Variants in COL24A1 observed in about 807,000 individuals in gnomAD.
COL24A1 encodes collagen alpha-1(XXIV) chain.
A neutral mutation model predicts 253.9 loss-of-function variants in COL24A1; 224 were observed. The observed-to-expected ratio is 0.88, with a 90% CI of 0.79 to 0.99. The LOEUF is 0.99. COL24A1 is among the 50% of genes least tolerant of loss of function. The pLI is 0.00. For synonymous variants in COL24A1, 685 were observed against 673.7 expected, an observed-to-expected ratio of 1.02 and a Z score of -0.26; for missense variants, 2,131 against 2,068.5, an observed-to-expected ratio of 1.03 and a Z score of -0.59.
rs1342623770 is a variant in COL24A1 at position 85,901,635 on chromosome 1, A to G, written c.2779-5226T>C. Among the ~76,000 whole-genome samples the G allele has an allele frequency of 2.0e-5, 3 of 151,946 alleles. No individual in the cohort carries two copies. The East Asian group carries it at 5.8e-4, about 29-fold the overall frequency. ...AGACCAGCCTGGCCAACATGGTGAA[A>G]CCCCATCTCTACTAAAAATATAAAA... On this transcript the variant is annotated intron_variant, in intron 28 of 59. Coordinates refer to ENST00000370571, the MANE Select transcript of COL24A1 (RefSeq NM_152890.7).
intron 28 of COL24A1, among the ~76,000 whole-genome samples, chr1:85,906,513 G>A (rs997770418): frequency 2.0e-5 from 3 of 151,536 alleles, no homozygotes; most frequent in East Asian, 3.9e-4. Flanking sequence ...TATAGAGGCC[G>A]TATACTTAAA....
rs769700609 is a variant in COL24A1 at position 85,744,668 on chromosome 1, T to A, written c.4670A>T (p.Asp1557Val). Reference sequence around the variant, plus strand: ...GTTTGAGGTAACCAAGAACTTACCATCTGATACTTTTTGTTCACAGTTAAG... The same window carrying A: ...GTTTGAGGTAACCAAGAACTTACCAACTGATACTTTTTGTTCACAGTTAAG... ...DLLNCEQKVS[D>V]GKYWIDPNLG... is the part of the protein sequence containing the mutation. Residue 1557 changes from aspartate (D) to valine (V), a missense_variant and splice_region_variant, in exon 57 of 60, where the codon GAT (aspartate) becomes GTT (valine). By Grantham distance (152) the Asp-to-Val change is radical. Coordinates refer to ENST00000370571, the MANE Select transcript of COL24A1 (RefSeq NM_152890.7). 11 of 1,604,014 alleles carry A rather than the reference T, an allele frequency of 6.9e-6. No individual in the cohort carries two copies. In the South Asian group the frequency reaches 1.1e-4, roughly 16 times the overall value.
At chr1:86,131,228 T>C (rs1158170716) in intron 2 of COL24A1, among the ~76,000 whole-genome samples, 58 of 152,038 alleles carry the variant, frequency 3.8e-4, no homozygotes, top group Non-Finnish European at 1.0e-4. Context: ...TGGCACCATA[T>C]TGACCATTCT....
At chr1:86,136,145 A>T (rs1650217366) in intron 2 of COL24A1, among the ~76,000 whole-genome samples, 4 of 152,188 alleles carry the variant, frequency 2.6e-5, no homozygotes, top group South Asian at 4.1e-4. Context: ...TTCAGAATGA[A>T]TCCTTCATCT....
At chr1:85,825,193 G>A (rs955386906) in intron 43 of COL24A1, among the ~76,000 whole-genome samples, 24 of 151,032 alleles carry the variant, frequency 1.6e-4, no homozygotes, top group African/African-American at 5.1e-4. Flanking sequence ...TTGTTCTTGC[G>A]ATAGCTGACT....
intron 42 of COL24A1, 68 bp from the exon 43 acceptor site, chr1:85,838,706 A>G (rs1676284307): frequency 7.1e-7 from 1 of 1,401,072 alleles, no homozygotes. Flanking sequence ...TGCAGGTGAT[A>G]AGATTAGTGT....
At chr1:85,953,957 T>C (rs1279724461) in intron 24 of COL24A1, among the ~76,000 whole-genome samples, 2 of 152,206 alleles carry the variant, frequency 1.3e-5, no homozygotes, top group Non-Finnish European at 2.9e-5. Context: ...TAATTGCCTC[T>C]GGGCAGTAAG....
intron 28 of COL24A1, among the ~76,000 whole-genome samples, chr1:85,905,860 A>G (rs1299337173): frequency 6.6e-6 from 1 of 152,096 alleles, no homozygotes; most frequent in Admixed American, 6.6e-5. Context: ...AATTAACAAA[A>G]GGAACAAGTA....
chr1:86,019,408 T>A (rs28394459), intron 18 of COL24A1, among the ~76,000 whole-genome samples: 46,792 of 145,208 alleles, frequency 0.32, 7,758 homozygotes, highest in Middle Eastern at 0.53. Context: ...TTTTTTTTTT[T>A]AATTAGCTGG....
chr1:85,851,001 G>A (rs200142420), intron 37 of COL24A1, among the ~76,000 whole-genome samples: 13 of 139,182 alleles, frequency 9.3e-5, no homozygotes, highest in African/African-American at 2.3e-4. Context: ...GTGTGTGTGT[G>A]TATATATATA....
chr1:85,886,220 T>C (rs1407272980), intron 32 of COL24A1, among the ~76,000 whole-genome samples: 1 of 152,014 alleles, frequency 6.6e-6, no homozygotes, highest in Non-Finnish European at 1.5e-5. Context: ...GCTAATCTTT[T>C]GTATTTTTAG....
At chr1:85,837,407 C>G (rs1351909270) in intron 43 of COL24A1, among the ~76,000 whole-genome samples, 1 of 152,172 alleles carries the variant, frequency 6.6e-6, no homozygotes, top group Non-Finnish European at 1.5e-5. Context: ...AGTTATCTAT[C>G]TATCATCTTG....
chr1:86,017,883 TA>T (rs1697145878), intron 18 of COL24A1, among the ~76,000 whole-genome samples: 1 of 152,178 alleles, frequency 6.6e-6, no homozygotes, highest in Non-Finnish European at 1.5e-5. Context: ...ATAGAATTCC[TA>T]GACTGTTTTC....
chr1:85,910,030 T>C (rs1267247627), intron 25 of COL24A1, 27 bp from the exon 26 acceptor site: 8 of 1,586,812 alleles, frequency 5.0e-6, no homozygotes, highest in Admixed American at 1.7e-5. Context: ...GAAAAAAGAG[T>C]AACATAGAGG....
intron 7 of COL24A1, among the ~76,000 whole-genome samples, chr1:86,088,971 A>T: frequency 6.6e-6 from 1 of 152,144 alleles, no homozygotes; most frequent in East Asian, 1.9e-4. Context: ...CGGGATGATG[A>T]TGGCATCCTA....
intron 53 of COL24A1, among the ~76,000 whole-genome samples, chr1:85,765,544 A>G (rs1319325281): frequency 2.5e-4 from 1 of 3,972 alleles, no homozygotes; most frequent in African/African-American, 3.9e-4. Flanking sequence ...GTCTCTACCG[A>G]AAAAAAAAAA....
rs117193568 is a variant in COL24A1, at chr1:86,004,567, A to C, written c.2310+12584T>G. ...CCCTTTAGAACACAGTGGATTTGTT[A>C]AATCACTGACCCATATGGAGTTTTG... On this transcript the variant is annotated intron_variant, in intron 19 of 59. Coordinates refer to ENST00000370571, the MANE Select transcript of COL24A1 (RefSeq NM_152890.7). 4.4e-4 allele frequency among the ~76,000 whole-genome samples: 65 copies of C among 146,596 alleles called. No individual in the cohort carries two copies. In the East Asian group the frequency reaches 0.012, roughly 27 times the overall value.
rs556280481 is a variant in COL24A1 at position 86,136,898 on chromosome 1, G to A, written c.121+9221C>T. On this transcript the variant is annotated intron_variant, in intron 2 of 59. Coordinates refer to ENST00000370571, the MANE Select transcript of COL24A1 (RefSeq NM_152890.7). ...TCTTACCTGAGTATGAATACACTTA[G>A]CAAATGTGTTTGAGCAAGATCTTAA... is the stretch of plus-strand genomic sequence containing the variant. Among the ~76,000 whole-genome samples the A allele has an allele frequency of 4.2e-4, 64 of 152,156 alleles. No homozygotes were observed. The South Asian group carries it at 0.011, about 27-fold the overall frequency.
chr1:86,110,822 G>GC (rs944858562), intron 5 of COL24A1, among the ~76,000 whole-genome samples: 10 of 140,858 alleles, frequency 7.1e-5, no homozygotes, highest in African/African-American at 1.0e-4. Flanking sequence ...CCCGACCCCC[G>GC]CCCCCCACAC....
Sources: allele counts gnomAD v4.1 joint callset (sites outside exome capture counted in the v4.1 genomes callset), GRCh38; gene constraint gnomAD v4.1.1; transcripts MANE v1.5; gene names NCBI Gene and HGNC (gene_info 2026-07-23, HGNC 2026-07-21).